The following THSD4 variants were observed in gnomAD, a reference collection of about 807,000 sequenced individuals.
THSD4 encodes the protein thrombospondin type 1 domain containing 4.
In THSD4, 69 loss-of-function variants were observed where a neutral mutation model predicts 119.0. The ratio of observed to expected loss-of-function variants is 0.58; its 90% CI spans 0.48 to 0.71. THSD4 has a LOEUF of 0.71. Among genes scored for constraint, THSD4 ranks in the 30% least tolerant of loss-of-function variants. The pLI, the probability that THSD4 is intolerant of heterozygous loss-of-function variation, is 0.00. For missense variants in THSD4, 1,393 were observed against 1,391.1 expected, an observed-to-expected ratio of 1.00 and a Z score of -0.02; for synonymous variants, 524 against 540.4, an observed-to-expected ratio of 0.97 and a Z score of 0.42.
intron 8 of THSD4, among the ~76,000 whole-genome samples, chr15:71,727,102 C>A (rs2052856191): frequency 6.6e-6 from 1 of 152,080 alleles, no homozygotes; most frequent in Non-Finnish European, 1.5e-5. Context: ...TACCCGCCTC[C>A]TGAGTACACA....
chr15:71,365,685 C>T (rs1464323019), intron 6 of THSD4, among the ~76,000 whole-genome samples: 1 of 152,112 alleles, frequency 6.6e-6, no homozygotes, highest in African/African-American at 2.4e-5. Context: ...TTAAGTCCAA[C>T]CCACCAACTG....
chr15:71,158,148 CTT>C (rs1193131967), intron 3 of THSD4, among the ~76,000 whole-genome samples: 18 of 85,032 alleles, frequency 2.1e-4, no homozygotes, highest in African/African-American at 6.5e-4. Flanking sequence ...CAACACTTAT[CTT>C]TTTTTTTTTT....
At chr15:71,413,062 A>C (rs931646963) in intron 7 of THSD4, among the ~76,000 whole-genome samples, 1 of 152,062 alleles carries the variant, frequency 6.6e-6, no homozygotes, top group Non-Finnish European at 1.5e-5. Flanking sequence ...CCCAGGCTGG[A>C]GTGCAGTGGC....
At chr15:71,513,893 A>G (rs1031800412) in intron 7 of THSD4, among the ~76,000 whole-genome samples, 8 of 152,230 alleles carry the variant, frequency 5.3e-5, no homozygotes, top group African/African-American at 1.9e-4. Flanking sequence ...CAGAAACATT[A>G]TGTTGATCAA....
intron 6 of THSD4, among the ~76,000 whole-genome samples, chr15:71,333,034 A>G (rs2045446751): frequency 6.6e-6 from 1 of 151,724 alleles, no homozygotes; most frequent in Non-Finnish European, 1.5e-5. Context: ...TAGCTCACCT[A>G]GACTCCATTT....
chr15:71,653,193 C>T (rs2051125740), intron 7 of THSD4, among the ~76,000 whole-genome samples: 1 of 152,176 alleles, frequency 6.6e-6, no homozygotes, highest in Non-Finnish European at 1.5e-5. Context: ...TGAAGCTAAG[C>T]CAAGAGGCAA....
At chr15:71,606,034 G>T (rs556594055) in intron 7 of THSD4, among the ~76,000 whole-genome samples, 17 of 152,340 alleles carry the variant, frequency 1.1e-4, no homozygotes, top group African/African-American at 3.6e-4. Context: ...GTTCTGTTAG[G>T]TCAGGGAAAA....
At chr15:71,544,219 T>G (rs764591441) in intron 7 of THSD4, among the ~76,000 whole-genome samples, 2 of 152,148 alleles carry the variant, frequency 1.3e-5, no homozygotes, top group African/African-American at 2.4e-5. Context: ...AGAGTCAGGC[T>G]CTGGACAAAG....
At chr15:71,188,185 C>T (rs1217093145) in intron 3 of THSD4, among the ~76,000 whole-genome samples, 2 of 152,040 alleles carry the variant, frequency 1.3e-5, no homozygotes, top group Non-Finnish European at 2.9e-5. Flanking sequence ...TAGGTGTTTG[C>T]AGAAGGAAGG....
chr15:71,100,900 G>T (rs151221048), intron 1 of THSD4, among the ~76,000 whole-genome samples: 1,714 of 152,090 alleles, frequency 0.011, 34 homozygotes, highest in African/African-American at 0.038. Flanking sequence ...GAGAATCACC[G>T]GAGCCTGGGA....
At chr15:71,236,809 G>C (rs1341280999) in intron 4 of THSD4, among the ~76,000 whole-genome samples, 1 of 152,204 alleles carries the variant, frequency 6.6e-6, no homozygotes. Flanking sequence ...ATAGAAGATT[G>C]TGCTGTGACA....
intron 3 of THSD4, among the ~76,000 whole-genome samples, chr15:71,213,537 A>G (rs894842144): frequency 5.3e-5 from 8 of 152,108 alleles, no homozygotes; most frequent in African/African-American, 1.9e-4. Flanking sequence ...TGCTGGGTCT[A>G]AGCACTTGTG....
chr15:71,565,352 C>G (rs758957787), intron 7 of THSD4, among the ~76,000 whole-genome samples: 4 of 152,148 alleles, frequency 2.6e-5, no homozygotes, highest in Non-Finnish European at 5.9e-5. Context: ...CACAGATGTA[C>G]CCACATAATA....
At chr15:71,630,912 G>A (rs2050614090) in intron 7 of THSD4, among the ~76,000 whole-genome samples, 1 of 152,182 alleles carries the variant, frequency 6.6e-6, no homozygotes, top group African/African-American at 2.4e-5. Context: ...AAGGTTCTTT[G>A]CGGTGGGGGC....
chr15:71,607,062 T>G (rs997357138), intron 7 of THSD4, among the ~76,000 whole-genome samples: 123 of 152,292 alleles, frequency 8.1e-4, no homozygotes, highest in African/African-American at 2.6e-3. Flanking sequence ...TAAGTTCCAT[T>G]TGGGGCCTTT....
At chr15:71,443,433 CCT>C (rs5813634) in intron 7 of THSD4, among the ~76,000 whole-genome samples, 10 of 150,902 alleles carry the variant, frequency 6.6e-5, no homozygotes, top group Non-Finnish European at 1.0e-4. Flanking sequence ...AAAACAGATC[CCT>C]CTCTCTCTCT....
chr15:71,564,238 G>A (rs892060340), intron 7 of THSD4, among the ~76,000 whole-genome samples: 1 of 152,162 alleles, frequency 6.6e-6, no homozygotes, highest in South Asian at 2.1e-4. Context: ...TCAAAGGTGG[G>A]TCCCCACTCC....
chr15:71,204,709 C>A (rs1054226922), intron 3 of THSD4, among the ~76,000 whole-genome samples: 5 of 152,156 alleles, frequency 3.3e-5, no homozygotes, highest in Non-Finnish European at 4.4e-5. Context: ...CCTCTTCTTT[C>A]ATCTTTCTAC....
At chr15:71,464,305 C>T (rs1053230570) in intron 7 of THSD4, among the ~76,000 whole-genome samples, 5 of 152,170 alleles carry the variant, frequency 3.3e-5, no homozygotes, top group African/African-American at 9.7e-5. Flanking sequence ...ATTAGAAAGG[C>T]GGTGGGTGGC....
Sources: gnomAD v4.1 joint callset for allele counts (sites outside exome capture counted in the v4.1 genomes callset) on GRCh38, gnomAD v4.1.1 for gene constraint, MANE v1.5 for transcripts, NCBI Gene and HGNC (gene_info 2026-07-23, HGNC 2026-07-21) for gene names.